Variants in COG5 observed in about 807,000 individuals in gnomAD.
The protein encoded by COG5 is conserved oligomeric Golgi complex subunit 5.
Under a neutral mutation model 110.4 loss-of-function variants are expected in COG5, and 86 were observed. That is an observed-to-expected ratio of 0.78 (90% CI 0.65 to 0.93). The LOEUF (loss-of-function observed/expected upper bound fraction) is 0.93, where lower values mean the gene tolerates loss of function less well. COG5 is among the 40% of genes least tolerant of loss of function. The pLI is 0.00. For synonymous variants in COG5, 360 were observed against 334.6 expected (o/e 1.08, Z -0.83); for missense variants, 1,077 against 987.0 (o/e 1.09, Z -1.22).
intron 8 of COG5, among the ~76,000 whole-genome samples, chr7:107,365,615 A>G (rs865773699): frequency 0.013 from 1,897 of 149,574 alleles, 47 homozygotes; most frequent in African/African-American, 0.046. Flanking sequence ...AAAAAAAAAA[A>G]AAAAAAAGAA....
At chr7:107,300,216 C>T (rs995942030) in intron 11 of COG5, among the ~76,000 whole-genome samples, 2 of 152,114 alleles carry the variant, frequency 1.3e-5, no homozygotes, top group Non-Finnish European at 2.9e-5. Context: ...TGAAAAACTA[C>T]AGCTAATATA....
intron 6 of COG5, among the ~76,000 whole-genome samples, chr7:107,449,314 A>C (rs564101437): frequency 6.6e-6 from 1 of 152,316 alleles, no homozygotes; most frequent in African/African-American, 2.4e-5. Flanking sequence ...ATGTATCCAA[A>C]CCTGCACATT....
chr7:107,224,624 C>G (rs1186916651), intron 19 of COG5, among the ~76,000 whole-genome samples: 1 of 152,166 alleles, frequency 6.6e-6, no homozygotes, highest in Non-Finnish European at 1.5e-5. Context: ...CCTTTTCTGC[C>G]CTTTGCCTCA....
intron 19 of COG5, among the ~76,000 whole-genome samples, chr7:107,229,018 C>G (rs574761015): frequency 2.2e-4 from 34 of 151,984 alleles, no homozygotes; most frequent in African/African-American, 7.7e-4. Flanking sequence ...TTATCTTATC[C>G]TTATTGAGAA....
At chr7:107,247,983 T>C (rs779620789) in intron 17 of COG5, among the ~76,000 whole-genome samples, 1 of 152,080 alleles carries the variant, frequency 6.6e-6, no homozygotes, top group African/African-American at 2.4e-5. Flanking sequence ...AGGAATACCA[T>C]GCCTATGCCA....
chr7:107,429,729 C>G (rs112716471), intron 6 of COG5, among the ~76,000 whole-genome samples: 1,790 of 152,204 alleles, frequency 0.012, 49 homozygotes, highest in African/African-American at 0.041. Flanking sequence ...TTTCCTGTGA[C>G]AATGAATAAG....
chr7:107,548,137 G>A lies in COG5; in HGVS notation c.391C>T (p.Arg131Trp), dbSNP rs189187187. The change falls in exon 5 of 22, where the codon CGG (arginine) becomes TGG (tryptophan). Residue 131 changes from arginine (R) to tryptophan (W), a missense_variant. Coordinates refer to ENST00000297135, the MANE Select transcript of COG5 (RefSeq NM_006348.5). ...TGAAGTCTTGCTAGTTGTGCAGTCC[G>A]GGCAACTATCTTATTGTATGGTTCA... ...IVEPYNKIVARTAQLARLQVA... is the reference protein window; with the variant it reads ...IVEPYNKIVAWTAQLARLQVA... 6 of 1,613,672 alleles carry A rather than the reference G, an allele frequency of 3.7e-6. No individual in the cohort carries two copies. Among genetic ancestry groups the A allele is most frequent in the African/African-American group, 2.7e-5 (2 of 74,990 alleles).
chr7:107,207,559 C>T (rs539215398), intron 21 of COG5, among the ~76,000 whole-genome samples: 1 of 152,346 alleles, frequency 6.6e-6, no homozygotes, highest in South Asian at 2.1e-4. Flanking sequence ...TTGAGGCCAA[C>T]CCCACCGCTG....
chr7:107,370,105 G>T (rs181093727), intron 8 of COG5, among the ~76,000 whole-genome samples: 1 of 151,544 alleles, frequency 6.6e-6, no homozygotes, highest in Non-Finnish European at 1.5e-5. Context: ...ATATATGTGC[G>T]TGTGTGTATA....
chr7:107,483,568 G>A (rs945380086), intron 6 of COG5, among the ~76,000 whole-genome samples: 4 of 152,090 alleles, frequency 2.6e-5, no homozygotes, highest in Non-Finnish European at 5.9e-5. Context: ...GCCGGGTGTG[G>A]TGGTGCATGC....
At chr7:107,460,376 G>C (rs1418244130) in intron 6 of COG5, among the ~76,000 whole-genome samples, 2 of 151,676 alleles carry the variant, frequency 1.3e-5, no homozygotes. Context: ...CTGGGTGAGA[G>C]AGCAAAACTC....
At chr7:107,269,848 C>CTCTA (rs780877275) in intron 14 of COG5, among the ~76,000 whole-genome samples, 5 of 152,136 alleles carry the variant, frequency 3.3e-5, no homozygotes, top group Admixed American at 2.6e-4. Flanking sequence ...CTATGGCCTG[C>CTCTA]TAGAGCTGGC....
At chr7:107,297,218 C>A (rs927507045) in intron 12 of COG5, among the ~76,000 whole-genome samples, 3 of 152,096 alleles carry the variant, frequency 2.0e-5, no homozygotes, top group Non-Finnish European at 4.4e-5. Context: ...ATGGTCGTGG[C>A]TGTAATGAAA....
intron 6 of COG5, among the ~76,000 whole-genome samples, chr7:107,479,709 T>C (rs1355240797): frequency 1.3e-5 from 2 of 152,084 alleles, no homozygotes; most frequent in Non-Finnish European, 1.5e-5. Flanking sequence ...ACAAAAAGAA[T>C]ATCTGGCAAG....
intron 7 of COG5, among the ~76,000 whole-genome samples, chr7:107,391,542 T>TA (rs1790625251): frequency 6.6e-6 from 1 of 152,198 alleles, no homozygotes; most frequent in Non-Finnish European, 1.5e-5. Context: ...GTGTCATATC[T>TA]AAGAAATCAC....
chr7:107,508,430 C>G (rs1477819043), intron 6 of COG5, among the ~76,000 whole-genome samples: 1 of 152,218 alleles, frequency 6.6e-6, no homozygotes, highest in Non-Finnish European at 1.5e-5. Context: ...GCCTGCCTGC[C>G]TCTGTAGGCT....
intron 6 of COG5, among the ~76,000 whole-genome samples, chr7:107,514,396 G>C (rs1023886696): frequency 5.0e-4 from 75 of 150,978 alleles, no homozygotes; most frequent in Non-Finnish European, 1.0e-3. Flanking sequence ...TTTATTATGA[G>C]GTTATAGCTC....
At chr7:107,531,608 T>G (rs1346445708) in intron 5 of COG5, among the ~76,000 whole-genome samples, 1 of 151,580 alleles carries the variant, frequency 6.6e-6, no homozygotes, top group Non-Finnish European at 1.5e-5. Flanking sequence ...TTTCCTAATA[T>G]TCACCAATAA....
At chr7:107,292,635 G>C (rs1295507155) in intron 12 of COG5, among the ~76,000 whole-genome samples, 1 of 152,168 alleles carries the variant, frequency 6.6e-6, no homozygotes, top group Admixed American at 6.5e-5. Flanking sequence ...GACCCGTTTA[G>C]GATTTAAAAA....
Sources: allele counts gnomAD v4.1 joint callset (sites outside exome capture counted in the v4.1 genomes callset), GRCh38; gene constraint gnomAD v4.1.1; transcripts MANE v1.5; gene names NCBI Gene and HGNC (gene_info 2026-07-23, HGNC 2026-07-21).